Variants in RNF10 observed in about 807,000 individuals in gnomAD.
RNF10 encodes the protein ring finger protein 10, also known as E3 ubiquitin-protein ligase RNF10.
Under a neutral mutation model 91.4 loss-of-function variants are expected in RNF10, and 38 were observed. The observed-to-expected ratio is 0.42, with a 90% CI of 0.32 to 0.54. RNF10 has a LOEUF of 0.54. RNF10 is among the 20% of genes least tolerant of loss of function. The probability of loss-of-function intolerance (pLI) is 0.16; values close to 1 mark genes in which losing one functional copy is unlikely to be tolerated. For missense variants in RNF10, 945 were observed against 1,012.0 expected (o/e 0.93, Z 0.90); for synonymous variants, 364 against 366.3 (o/e 0.99, Z 0.07).
intron 11 of RNF10, 29 bp downstream of exon 11, chr12:120,565,218 T>C: frequency 2.1e-6 from 3 of 1,454,088 alleles, no homozygotes; most frequent in Non-Finnish European, 1.9e-6. Context: ...TGCTTCTCTT[T>C]ATAGTAGGGT....
Position 120,563,799 on chromosome 12 carries a change from C to G in RNF10, c.1532-11C>G, listed in dbSNP as rs764681226. 6.2e-7 allele frequency: 1 copy of G among 1,613,946 alleles called. No individual in the cohort carries two copies. Among genetic ancestry groups the G allele is most frequent in the South Asian group, 1.1e-5 (1 of 91,064 alleles). Reference sequence around the variant, plus strand: ...CCAAGACTGGTGTGTGATAGAGCCCCTTGTCCTCAGCGGAAGATGGACAGC... The same window carrying G: ...CCAAGACTGGTGTGTGATAGAGCCCGTTGTCCTCAGCGGAAGATGGACAGC... On this transcript the variant is annotated splice_polypyrimidine_tract_variant and intron_variant, in intron 9 of 16. Coordinates refer to ENST00000325954, the MANE Select transcript of RNF10 (RefSeq NM_014868.5).
Position 120,555,509 on chromosome 12 carries a change from C to T in RNF10, c.645+701C>T, listed in dbSNP as rs566035150. ...GTTGTACTTTTTTTTTTTTTTGAGACGGAGTTTCGCTCTTGTTGCCCAGGC... is the reference window on the plus strand; with the variant it reads ...GTTGTACTTTTTTTTTTTTTTGAGATGGAGTTTCGCTCTTGTTGCCCAGGC... On this transcript the variant is annotated intron_variant, in intron 4 of 16. Transcript: ENST00000325954. Among the ~76,000 whole-genome samples the T allele has an allele frequency of 6.4e-5, 8 of 125,334 alleles. No homozygotes were observed. The East Asian group carries it at 1.8e-3, about 28-fold the overall frequency. 82.2% of individuals were successfully genotyped at this position (125,334 alleles called of 152,430 possible).
At chr12:120,543,159 G>A (rs1871814371) in intron 1 of RNF10, among the ~76,000 whole-genome samples, 1 of 152,006 alleles carries the variant, frequency 6.6e-6, no homozygotes, top group Admixed American at 6.6e-5. Flanking sequence ...TAAAAAGCTG[G>A]TGATTGTACT....
intron 13 of RNF10, among the ~76,000 whole-genome samples, chr12:120,567,860 G>GGGGTGT (rs1555229518): frequency 8.7e-5 from 7 of 80,546 alleles, no homozygotes; most frequent in African/African-American, 2.1e-4. Flanking sequence ...TTTCATTATG[G>GGGGTGT]GTGTGTGTGT....
chr12:120,561,027 A>T (rs1266503811), intron 7 of RNF10, 141 bp downstream of exon 7: 1 of 876,758 alleles, frequency 1.1e-6, no homozygotes, highest in Non-Finnish European at 1.7e-6. Context: ...TCCACATTTA[A>T]GACAATAAGC....
At position 120,577,405 on chromosome 12, in the gene RNF10, C is replaced by G. The variant is rs1593128523; in HGVS notation, c.*739C>G. On this transcript the variant is annotated 3_prime_UTR_variant, in exon 17 of 17. Coordinates refer to ENST00000325954, the MANE Select transcript of RNF10 (RefSeq NM_014868.5). The stretch of plus-strand genomic sequence containing the variant: ...TCATAGGAGGAGGAGTCTGGTACAG[C>G]TGCAGGAGAGCAGGGCCATCTGAAG... 3.1e-6 allele frequency: 1 copy of G among 324,654 alleles called. No homozygotes were observed. The highest frequency in any genetic ancestry group is 1.1e-4 in the East Asian group (1 of 9,414). The allele number at this position is 324,654 out of a possible 1,614,324, so 20.1% of individuals were successfully genotyped here.
intron 14 of RNF10, 79 bp from the exon 15 acceptor site, chr12:120,575,552 A>G: frequency 6.7e-7 from 1 of 1,484,772 alleles, no homozygotes; most frequent in East Asian, 2.3e-5. Flanking sequence ...GTGCCTCTCC[A>G]GTTAGTCAAG....
At chr12:120,545,101 G>A (rs939730056) in intron 1 of RNF10, among the ~76,000 whole-genome samples, 6 of 152,168 alleles carry the variant, frequency 3.9e-5, no homozygotes, top group Middle Eastern at 3.2e-3. Flanking sequence ...GTGCTCTGTG[G>A]GTACTGGCAA....
chr12:120,551,465 T>G (rs1417613834), intron 2 of RNF10, among the ~76,000 whole-genome samples: 1 of 151,440 alleles, frequency 6.6e-6, no homozygotes, highest in African/African-American at 2.4e-5. Context: ...CGGCTAGTTT[T>G]TTTTTTTATT....
intron 13 of RNF10, among the ~76,000 whole-genome samples, chr12:120,567,928 G>T (rs1876023583): frequency 6.6e-6 from 1 of 151,354 alleles, no homozygotes; most frequent in East Asian, 1.9e-4. Flanking sequence ...TCTGTTAGAA[G>T]GCAGGGGAGG....
rs531295227 is a variant in RNF10 at position 120,539,520 on chromosome 12, A to G, written c.157+4552A>G. ...ATGAATCAGCAGCAGAAACTTGCTG[A>G]CTGGTATTCTGACCTCTAGGCCGAG... is the stretch of plus-strand genomic sequence containing the variant. On this transcript the variant is annotated intron_variant, in intron 1 of 16. Coordinates refer to ENST00000325954, the MANE Select transcript of RNF10 (RefSeq NM_014868.5). 11 of 902,590 alleles carry G rather than the reference A, an allele frequency of 1.2e-5. No homozygotes were observed. In the South Asian group the frequency reaches 1.5e-4, roughly 12 times the overall value. 55.9% of individuals were successfully genotyped at this position (902,590 alleles called of 1,614,324 possible).
intron 14 of RNF10, among the ~76,000 whole-genome samples, chr12:120,572,222 A>G (rs1876749697): frequency 1.3e-5 from 2 of 151,552 alleles, no homozygotes; most frequent in Non-Finnish European, 2.9e-5. Context: ...GCCTGCCACC[A>G]CGCCCGGCTA....
rs192832337 is a variant in RNF10, at chr12:120,563,864, G to A, written c.1586G>A (p.Arg529Gln). ...CCTGTGAATGTGCGCTGCCTCGTGC[G>A]GGAGTACGGCAGCCTGGAGAGGAGC... ...LHPVNVRCLVREYGSLERSPE... is the reference protein window; with the variant it reads ...LHPVNVRCLVQEYGSLERSPE... The change falls in exon 10 of 17, where the codon CGG (arginine) becomes CAG (glutamine). Residue 529 changes from arginine to glutamine, a missense_variant. Transcript: ENST00000325954. The A allele has an allele frequency of 5.8e-5, 93 of 1,614,162 alleles. No individual in the cohort carries two copies. Among genetic ancestry groups the A allele is most frequent in the Non-Finnish European group, 7.2e-5 (85 of 1,180,020 alleles).
chr12:120,538,099 T>C (rs1413204817), intron 1 of RNF10, among the ~76,000 whole-genome samples: 1 of 152,196 alleles, frequency 6.6e-6, no homozygotes, highest in African/African-American at 2.4e-5. Flanking sequence ...CTTCATATAC[T>C]TGATTCTGCT....
intron 1 of RNF10, among the ~76,000 whole-genome samples, chr12:120,541,597 G>A (rs1871580916): frequency 6.6e-6 from 1 of 151,742 alleles, no homozygotes; most frequent in African/African-American, 2.4e-5. Flanking sequence ...ACCAAGCCTG[G>A]CTAATTTTTT....
intron 16 of RNF10, 22 bp from the exon 17 acceptor site, chr12:120,576,568 G>A: frequency 1.2e-6 from 2 of 1,610,842 alleles, no homozygotes; most frequent in East Asian, 4.5e-5. Flanking sequence ...AAGTTAAGCT[G>A]TCTTTCTGTG....
In RNF10 at chr12:120,577,373, G is replaced by C. The variant is rs1877530063; in HGVS notation, c.*707G>C. On this transcript the variant is annotated 3_prime_UTR_variant, in exon 17 of 17. Transcript: ENST00000325954. ...AGATCGAGCTTGTTTTCAGTGACTG[G>C]CTTGAGTCATAGGAGGAGGAGTCTG... 7 of 344,578 alleles carry C rather than the reference G, an allele frequency of 2.0e-5. No homozygotes were observed. Among genetic ancestry groups the C allele is most frequent in the South Asian group, 1.5e-4 (7 of 46,702 alleles). The allele number at this position is 344,578 out of a possible 1,614,324, so 21.3% of individuals were successfully genotyped here.
In RNF10 at chr12:120,563,556, G is replaced by A; in HGVS notation, c.1464G>A (p.Gln488=). 6.2e-7 allele frequency: 1 copy of A among 1,613,926 alleles called. No individual in the cohort carries two copies. The change falls in exon 9 of 17, where the codon CAG becomes CAA. Residue 488 remains glutamine (Q), a synonymous_variant. Transcript: ENST00000325954. The part of the protein sequence containing the change: ...KEGTICTESS[Q]QEPITKSGFT... ...GGACCATTTGCACTGAGTCCAGCCA[G>A]CAGGAACCCATCACCAAGTCAGGCT... is the stretch of plus-strand genomic sequence containing the variant.
chr12:120,574,425 C>G (rs1877097586), intron 14 of RNF10: 1 of 455,726 alleles, frequency 2.2e-6, no homozygotes, highest in African/African-American at 2.0e-5. Context: ...AATGAAAATT[C>G]CTCAGGGGCA....
Sources: gnomAD v4.1 joint callset for allele counts (sites outside exome capture counted in the v4.1 genomes callset) on GRCh38, gnomAD v4.1.1 for gene constraint, MANE v1.5 for transcripts, NCBI Gene and HGNC (gene_info 2026-07-23, HGNC 2026-07-21) for gene names.